The following MBNL1 variants were observed in gnomAD, a reference collection of about 807,000 sequenced individuals.
MBNL1 encodes muscleblind-like protein 1.
In MBNL1, 8 loss-of-function variants were observed where a neutral mutation model predicts 42.2. The ratio of observed to expected loss-of-function variants is 0.19; its 90% CI spans 0.11 to 0.34. MBNL1 has a LOEUF of 0.34. Among genes scored for constraint, MBNL1 ranks in the 10% least tolerant of loss-of-function variants. MBNL1 has a pLI of 1.00. For missense variants in MBNL1, 309 were observed against 495.3 expected, an observed-to-expected ratio of 0.62 and a Z score of 3.57; for synonymous variants, 169 against 173.9, an observed-to-expected ratio of 0.97 and a Z score of 0.22.
At chr3:152,279,169 ATGT>A (rs1208261869) in intron 1 of MBNL1, among the ~76,000 whole-genome samples, 1 of 152,106 alleles carries the variant, frequency 6.6e-6, no homozygotes, top group Non-Finnish European at 1.5e-5. Context: ...TTGCTAGCTT[ATGT>A]TGTTTTTGGA....
At chr3:152,390,647 T>A (rs375408265) in intron 2 of MBNL1, among the ~76,000 whole-genome samples, 2 of 103,648 alleles carry the variant, frequency 1.9e-5, no homozygotes, top group South Asian at 2.9e-4. Context: ...ACACACACAC[T>A]CTGATATAAG....
rs1314267677 is a variant in MBNL1 at position 152,349,170 on chromosome 3, AGAGT to A, written c.174+48804_174+48807del. Among the ~76,000 whole-genome samples, 4 of 152,080 alleles carry A rather than the reference AGAGT, an allele frequency of 2.6e-5. No individual in the cohort carries two copies. The East Asian group carries it at 7.7e-4, about 29-fold the overall frequency. ...TAAGAATGTATCCCTTGTGCTAAAT[AGAGT>A]ATGTATGTACAGGCACACTGTACAT... On this transcript the variant is annotated intron_variant, in intron 2 of 9. Transcript: ENST00000324210.
At chr3:152,255,708 G>A (rs2035351008) in intron 2 of MBNL1, among the ~76,000 whole-genome samples, 3 of 152,114 alleles carry the variant, frequency 2.0e-5, no homozygotes, top group Admixed American at 2.0e-4. Context: ...ATAGTGACCA[G>A]AAGAAAATCC....
chr3:152,327,503 A>G (rs1337287274), intron 2 of MBNL1, among the ~76,000 whole-genome samples: 1 of 152,068 alleles, frequency 6.6e-6, no homozygotes, highest in African/African-American at 2.4e-5. Context: ...ATGGGCCACC[A>G]TACCCAGCTA....
At chr3:152,375,210 C>G (rs2096845422) in intron 2 of MBNL1, among the ~76,000 whole-genome samples, 1 of 152,066 alleles carries the variant, frequency 6.6e-6, no homozygotes, top group African/African-American at 2.4e-5. Context: ...TGGGTTTGCC[C>G]AAAAGAAATT....
At chr3:152,403,060 C>T (rs1435965750) in intron 2 of MBNL1, among the ~76,000 whole-genome samples, 1 of 152,056 alleles carries the variant, frequency 6.6e-6, no homozygotes, top group Non-Finnish European at 1.5e-5. Context: ...AGATATATTC[C>T]TTTACTCACT....
At chr3:152,404,141 G>A (rs1269757372) in intron 2 of MBNL1, among the ~76,000 whole-genome samples, 1 of 152,198 alleles carries the variant, frequency 6.6e-6, no homozygotes, top group East Asian at 1.9e-4. Flanking sequence ...CACAGATTTA[G>A]AAAGGAGTGC....
intron 5 of MBNL1, 74 bp from the exon 6 acceptor site, chr3:152,447,546 G>A: frequency 8.5e-7 from 1 of 1,174,704 alleles, no homozygotes; most frequent in South Asian, 1.6e-5. Context: ...AACAATTTTA[G>A]CCTTCGACTG....
intron 2 of MBNL1, among the ~76,000 whole-genome samples, chr3:152,257,217 T>C (rs2035576000): frequency 6.6e-6 from 1 of 152,192 alleles, no homozygotes; most frequent in Non-Finnish European, 1.5e-5. Context: ...TCCTGAAATA[T>C]AAGCCACTTC....
chr3:152,338,816 C>A, intron 2 of MBNL1: 1 of 371,588 alleles, frequency 2.7e-6, no homozygotes, highest in Non-Finnish European at 3.7e-6. Context: ...TCTTAGGGAA[C>A]TATTTATTAA....
At chr3:152,272,475 C>T (rs1266178627) in intron 1 of MBNL1, among the ~76,000 whole-genome samples, 4 of 151,674 alleles carry the variant, frequency 2.6e-5, no homozygotes, top group South Asian at 2.1e-4. Flanking sequence ...CAAACATAAA[C>T]GAGTCACTAA....
rs1441185111 is a variant in MBNL1, at chr3:152,421,776, A to G, written c.345+6665A>G. 2.6e-5 allele frequency among the ~76,000 whole-genome samples: 4 copies of G among 152,200 alleles called. No homozygotes were observed. The South Asian group carries it at 6.2e-4, about 24-fold the overall frequency. On this transcript the variant is annotated intron_variant, in intron 3 of 9. Coordinates refer to ENST00000324210, the MANE Select transcript of MBNL1 (RefSeq NM_021038.5). ...AAGCCAGAAGAGAGTGAGGGCCAAT[A>G]TTCAACATTCTTAAAAGAATTTTCA...
intron 3 of MBNL1, among the ~76,000 whole-genome samples, chr3:152,431,225 A>T (rs995954569): frequency 1.3e-5 from 2 of 152,162 alleles, no homozygotes; most frequent in Non-Finnish European, 2.9e-5. Flanking sequence ...CCTGGCGTCC[A>T]TCCATTGAAT....
chr3:152,415,780 G>T (rs2098690389), intron 3 of MBNL1, among the ~76,000 whole-genome samples: 1 of 152,142 alleles, frequency 6.6e-6, no homozygotes, highest in Non-Finnish European at 1.5e-5. Context: ...ATATGTGGGT[G>T]ACTCTTGCTT....
intron 2 of MBNL1, among the ~76,000 whole-genome samples, chr3:152,335,558 A>G (rs2089321171): frequency 1.3e-5 from 2 of 152,036 alleles, no homozygotes; most frequent in African/African-American, 4.8e-5. Context: ...CCCTACAGTG[A>G]TTTTTAAAAA....
At chr3:152,261,049 A>G (rs930331065) in intron 2 of MBNL1, among the ~76,000 whole-genome samples, 2 of 152,156 alleles carry the variant, frequency 1.3e-5, no homozygotes, top group African/African-American at 2.4e-5. Flanking sequence ...ATGGATTGCT[A>G]CCTATTCTGG....
chr3:152,434,600 T>C (rs2099053709), intron 4 of MBNL1, among the ~76,000 whole-genome samples: 1 of 152,216 alleles, frequency 6.6e-6, no homozygotes, highest in Admixed American at 6.5e-5. Context: ...GTATTTCTGT[T>C]TTTAGGTCTT....
In MBNL1 at chr3:152,406,037, A is replaced by G. The variant is rs750470016; in HGVS notation, c.175-8904A>G. On this transcript the variant is annotated intron_variant, in intron 2 of 9. Coordinates refer to ENST00000324210, the MANE Select transcript of MBNL1 (RefSeq NM_021038.5). ...GATGCTATAAAAAAAGCAGCCAACA[A>G]ATGTTGGAGTGTTCAATGATGCTGG... Among the ~76,000 whole-genome samples, 5 of 152,172 alleles carry G rather than the reference A, an allele frequency of 3.3e-5. No homozygotes were observed. The East Asian group carries it at 9.6e-4, about 29-fold the overall frequency.
At chr3:152,338,532 C>T (rs2092001610) in intron 2 of MBNL1, 2 of 985,234 alleles carry the variant, frequency 2.0e-6, no homozygotes, top group African/African-American at 3.5e-5. Context: ...CTGAAACTTT[C>T]CTAGCCTGGA....
Sources: allele counts gnomAD v4.1 joint callset (sites outside exome capture counted in the v4.1 genomes callset), GRCh38; gene constraint gnomAD v4.1.1; transcripts MANE v1.5; gene names NCBI Gene and HGNC (gene_info 2026-07-23, HGNC 2026-07-21).